The following ANKMY1 variants were observed in gnomAD, a reference collection of about 807,000 sequenced individuals.
ANKMY1 encodes ankyrin repeat and MYND domain containing 1.
ANKMY1 carries 98 observed loss-of-function variants against 102.0 expected under a neutral mutation model. The observed-to-expected ratio is 0.96, with a 90% CI of 0.82 to 1.14. ANKMY1 has a LOEUF of 1.14. Among genes scored for constraint, ANKMY1 ranks in the 50% most tolerant of loss-of-function variants. The pLI, the probability that ANKMY1 is intolerant of heterozygous loss-of-function variation, is 0.00. For synonymous variants in ANKMY1, 582 were observed against 559.9 expected (o/e 1.04, Z -0.56); for missense variants, 1,330 against 1,347.6 (o/e 0.99, Z 0.20).
At chr2:240,509,862 T>C (rs560566623) in intron 11 of ANKMY1, among the ~76,000 whole-genome samples, 1 of 151,968 alleles carries the variant, frequency 6.6e-6, no homozygotes, top group South Asian at 2.1e-4. Flanking sequence ...GAGGACGGCC[T>C]GAGTGTAAAG....
chr2:240,474,399 G>A, the ANKMY1 span, among the ~76,000 whole-genome samples: 3 of 150,548 alleles, frequency 2.0e-5, no homozygotes, highest in Non-Finnish European at 4.4e-5. Flanking sequence ...GAGCCACCGC[G>A]CCAGGCCAAC....
At chr2:240,543,462 T>C (rs1482010645) in intron 4 of ANKMY1, among the ~76,000 whole-genome samples, 2 of 152,132 alleles carry the variant, frequency 1.3e-5, no homozygotes, top group Non-Finnish European at 2.9e-5. Context: ...TTTTGAGATA[T>C]CAGGGTTTGG....
chr2:240,520,469 A>G lies in ANKMY1; in HGVS notation c.1897T>C (p.Cys633Arg), dbSNP rs1347832579. 5.6e-6 allele frequency: 9 copies of G among 1,613,328 alleles called. No homozygotes were observed. Among genetic ancestry groups the G allele is most frequent in the Non-Finnish European group, 7.6e-6 (9 of 1,179,794 alleles). ...AGGAACAGGACCTGCATGGGCACGC[A>G]GCACAGGTTGGGGTCCGCGCCCCGG... ...LRRGADPNLC[C>R]VPMQVLFLAV... Residue 633 changes from cysteine to arginine, a missense_variant, in exon 9 of 18, where the codon TGC (cysteine) becomes CGC (arginine). By Grantham distance (180) the Cys-to-Arg change is radical. Coordinates refer to ENST00000401804, the MANE Select transcript of ANKMY1 (RefSeq NM_001282771.3). This position sits in a 1 kb window ranked among gnomAD's most constrained non-coding sequence, Gnocchi z 4.8.
At chr2:240,476,114 T>C (rs916013772), downstream of ANKMY1, among the ~76,000 whole-genome samples, 1 of 152,274 alleles carries the variant, frequency 6.6e-6, no homozygotes, top group African/African-American at 2.4e-5. Context: ...TACAAAGCTG[T>C]AGTAATCAAA....
chr2:240,523,502 T>A (rs1489922433), intron 8 of ANKMY1: 1 of 265,314 alleles, frequency 3.8e-6, no homozygotes, highest in Non-Finnish European at 7.3e-6. Context: ...ACAGCAGGGG[T>A]GTGAGAGCTG....
Position 240,557,247 on chromosome 2 carries a change from T to TCG in ANKMY1, c.87_88dup (p.Glu30AlafsTer12), listed in dbSNP as rs1196838327. On this transcript the variant is annotated frameshift_variant, in exon 2 of 18. Transcript: ENST00000401804. LOFTEE classifies it high-confidence loss of function. Reference sequence around the variant, plus strand: ...CCCCGGCTCCTCGGCAGCAGGGGTCTCGCCGCCCTTCCCCTCTAGCGGGCG... The same window carrying TCG: ...CCCCGGCTCCTCGGCAGCAGGGGTCTCGCGCCGCCCTTCCCCTCTAGCGGGCG... 3.8e-6 allele frequency: 6 copies of TCG among 1,594,934 alleles called. No homozygotes were observed. Among genetic ancestry groups the TCG allele is most frequent in the Non-Finnish European group, 5.1e-6 (6 of 1,170,144 alleles).
At chr2:240,554,592 T>G in intron 3 of ANKMY1, 5 of 403,846 alleles carry the variant, frequency 1.2e-5, no homozygotes, top group Non-Finnish European at 4.5e-6. Context: ...GCTATGGCAA[T>G]TCATAATTTT....
intron 9 of ANKMY1, among the ~76,000 whole-genome samples, chr2:240,516,308 C>T (rs1021478578): frequency 2.6e-5 from 4 of 152,066 alleles, no homozygotes; most frequent in African/African-American, 9.7e-5. Flanking sequence ...TCTTCTTTAC[C>T]TCAAACTACC....
At position 240,506,130 on chromosome 2, in the gene ANKMY1, GC is replaced by G. The variant is rs1466235923; in HGVS notation, c.2526+1429del. Among the ~76,000 whole-genome samples, 1 of 151,998 alleles carries G rather than the reference GC, an allele frequency of 6.6e-6. No homozygotes were observed. The highest frequency in any genetic ancestry group is 2.4e-5 in the African/African-American group (1 of 41,384). On this transcript the variant is annotated intron_variant, in intron 13 of 17. Coordinates refer to ENST00000401804, the MANE Select transcript of ANKMY1 (RefSeq NM_001282771.3). This position sits in a 1 kb window ranked among gnomAD's most constrained non-coding sequence, Gnocchi z 4.9. The stretch of plus-strand genomic sequence containing the variant: ...CCAACCCTGGACAAGTCGCTGGGAA[GC>G]CCCCTAACCCCGGATGAGGCGCTGG...
chr2:240,545,745 G>C (rs1272617458), intron 4 of ANKMY1, among the ~76,000 whole-genome samples: 1 of 152,210 alleles, frequency 6.6e-6, no homozygotes, highest in Non-Finnish European at 1.5e-5. Context: ...CGATCAACTG[G>C]AAGAAAGGGT....
At chr2:240,482,117 CACA>C in intron 16 of ANKMY1, 63 bp downstream of exon 16, 1 of 1,541,106 alleles carries the variant, frequency 6.5e-7, no homozygotes, top group Non-Finnish European at 8.9e-7. Context: ...TCAGGCCAGG[CACA>C]ACAGCACTGT....
At chr2:240,511,513 A>G (rs545151887) in intron 11 of ANKMY1, among the ~76,000 whole-genome samples, 1 of 152,336 alleles carries the variant, frequency 6.6e-6, no homozygotes, top group African/African-American at 2.4e-5. Context: ...AGATAAGACC[A>G]ACCCTGAGGT....
chr2:240,474,358 C>T, the ANKMY1 span, among the ~76,000 whole-genome samples: 1 of 150,682 alleles, frequency 6.6e-6, no homozygotes, highest in East Asian at 1.9e-4. Context: ...CCACCCGCCT[C>T]GGCCTCCCAA....
At chr2:240,545,395 C>T (rs985442807) in intron 4 of ANKMY1, among the ~76,000 whole-genome samples, 6 of 152,342 alleles carry the variant, frequency 3.9e-5, no homozygotes, top group African/African-American at 1.4e-4. Context: ...GTAGATAAAA[C>T]CACAAAGATG....
intron 9 of ANKMY1, among the ~76,000 whole-genome samples, chr2:240,515,772 C>T (rs2081080521): frequency 6.6e-6 from 1 of 151,960 alleles, no homozygotes. Context: ...GGCTGGAGTG[C>T]AGTGGCGCGA....
chr2:240,518,441 C>T lies in ANKMY1; in HGVS notation c.2004+1921G>A, dbSNP rs2152299050. Reference sequence around the variant, plus strand: ...ATATTTCTTCCCTGCTATGAAACCCCCAATTTTAGTCGGTTGAGGACAGGG... The same window carrying T: ...ATATTTCTTCCCTGCTATGAAACCCTCAATTTTAGTCGGTTGAGGACAGGG... On this transcript the variant is annotated intron_variant, in intron 9 of 17. Coordinates refer to ENST00000401804, the MANE Select transcript of ANKMY1 (RefSeq NM_001282771.3). Among the ~76,000 whole-genome samples the T allele has an allele frequency of 1.3e-5, 2 of 152,272 alleles. 1 individual carries two copies. Among genetic ancestry groups the T allele is most frequent in the South Asian group, 4.1e-4 (2 of 4,826 alleles).
At chr2:240,510,734 G>A (rs990709279) in intron 11 of ANKMY1, among the ~76,000 whole-genome samples, 2 of 152,102 alleles carry the variant, frequency 1.3e-5, no homozygotes, top group African/African-American at 4.8e-5. Flanking sequence ...CAGATGTGAT[G>A]GCTGGACTGC....
rs939139060 is a variant in ANKMY1 at position 240,524,367 on chromosome 2, G to C, written c.1350C>G (p.Phe450Leu). 2.5e-6 allele frequency: 4 copies of C among 1,590,292 alleles called. No individual in the cohort carries two copies. The African/African-American group carries it at 5.4e-5, about 22-fold the overall frequency. ...ATGATGAAAGGATTGGAACAACTGG[G>C]AATTTTGGAGGTTCCTTTGGAAAGA... ...TIPEPQEPPK[F>L]PVVPILSSSF... The change falls in exon 8 of 18, where the codon TTC becomes TTG. Residue 450 changes from phenylalanine to leucine, a missense_variant. Physicochemically the swap from Phe to Leu is conservative, Grantham distance 22. Coordinates refer to ENST00000401804, the MANE Select transcript of ANKMY1 (RefSeq NM_001282771.3).
intron 15 of ANKMY1, among the ~76,000 whole-genome samples, chr2:240,483,041 T>TTCTCA (rs2075611734): frequency 6.6e-6 from 1 of 152,244 alleles, no homozygotes; most frequent in Admixed American, 6.5e-5. Flanking sequence ...ATGTCCCTCT[T>TTCTCA]TCTCACCAGT....
Sources: allele counts gnomAD v4.1 joint callset (sites outside exome capture counted in the v4.1 genomes callset), GRCh38; gene constraint gnomAD v4.1.1; non-coding constraint Gnocchi (gnomAD v3.1); transcripts MANE v1.5; gene names NCBI Gene and HGNC (gene_info 2026-07-23, HGNC 2026-07-21).